The following GPHN variants were observed in gnomAD, a reference collection of about 807,000 sequenced individuals.
GPHN encodes gephyrin.
A neutral mutation model predicts 95.5 loss-of-function variants in GPHN; 17 were observed. The observed-to-expected ratio is 0.18, with a 90% CI of 0.12 to 0.27. GPHN has a LOEUF of 0.27. Among genes scored for constraint, GPHN ranks in the 10% least tolerant of loss-of-function variants. The pLI is 1.00. For synonymous variants in GPHN, 320 were observed against 322.5 expected (o/e 0.99, Z 0.08); for missense variants, 660 against 978.1 (o/e 0.67, Z 4.34).
intron 2 of GPHN, among the ~76,000 whole-genome samples, chr14:66,692,993 G>GTTT (rs2067877296): frequency 6.6e-6 from 1 of 151,680 alleles, no homozygotes; most frequent in Admixed American, 6.6e-5. Flanking sequence ...AACATCTATT[G>GTTT]ATATTTACTA....
intron 18 of GPHN, among the ~76,000 whole-genome samples, chr14:67,147,341 G>A (rs2080957962): frequency 6.6e-6 from 1 of 152,162 alleles, no homozygotes; most frequent in African/African-American, 2.4e-5. Context: ...ACTATAGCTT[G>A]TAGCAAAGCC....
chr14:67,204,604 C>G, the GPHN span: 3 of 1,613,670 alleles, frequency 1.9e-6, no homozygotes, highest in South Asian at 2.2e-5. Flanking sequence ...GAAAGTAAAG[C>G]TGGTGAGTGG....
In GPHN at chr14:67,143,369, G is replaced by A. The variant is rs2080611217; in HGVS notation, c.1756G>A (p.Asp586Asn). 2 of 1,604,156 alleles carry A rather than the reference G, an allele frequency of 1.2e-6. No individual in the cohort carries two copies. Among genetic ancestry groups the A allele is most frequent in the African/African-American group, 1.3e-5 (1 of 74,696 alleles). Residue 586 changes from aspartate to asparagine, a missense_variant, in exon 18 of 23, where the codon GAC becomes AAC. This residue lies in a region of GPHN where 257 missense variants were observed against 376.2 expected (regional missense o/e 0.68). Coordinates refer to ENST00000478722, the MANE Select transcript of GPHN (RefSeq NM_020806.5). ...GTCTTTATTTTTTTCCAGCCCAGAT[G>A]ACTTACTCAATGCCTTGAATGAGGG... Reference protein sequence around the residue: ...NLGIVGDNPDDLLNALNEGIS... With the variant: ...NLGIVGDNPDNLLNALNEGIS...
chr14:67,431,730 G>A, the GPHN span, among the ~76,000 whole-genome samples: 1 of 151,902 alleles, frequency 6.6e-6, no homozygotes, highest in African/African-American at 2.4e-5. Context: ...CAAAACAGCG[G>A]CAAAAAAGGT....
chr14:67,538,592 G>C, the GPHN span, among the ~76,000 whole-genome samples: 1 of 152,134 alleles, frequency 6.6e-6, no homozygotes, highest in African/African-American at 2.4e-5. Flanking sequence ...TTTTATAGCT[G>C]TTGCTCTGAC....
chr14:67,242,202 CCTT>C, the GPHN span, among the ~76,000 whole-genome samples: 2 of 152,178 alleles, frequency 1.3e-5, no homozygotes, highest in African/African-American at 2.4e-5. Flanking sequence ...TCATAACTCA[CCTT>C]CTGTTGATTG....
At chr14:66,994,106 C>T (rs191222960) in intron 9 of GPHN, among the ~76,000 whole-genome samples, 1,825 of 152,256 alleles carry the variant, frequency 0.012, 18 homozygotes, top group Non-Finnish European at 0.018. Flanking sequence ...TGGCTCACGC[C>T]TGTAATTCCA....
At chr14:66,593,019 A>G (rs1351715744) in intron 1 of GPHN, among the ~76,000 whole-genome samples, 2 of 152,214 alleles carry the variant, frequency 1.3e-5, no homozygotes. Flanking sequence ...GAAGCTGGAA[A>G]CTATCATTCT....
At chr14:67,565,798 G>A in the GPHN span, among the ~76,000 whole-genome samples, 2 of 152,226 alleles carry the variant, frequency 1.3e-5, no homozygotes, top group South Asian at 4.1e-4. Context: ...TGTATTTCCA[G>A]CAGTAACTCC....
intron 5 of GPHN, among the ~76,000 whole-genome samples, chr14:66,913,360 A>G (rs1383311088): frequency 6.6e-6 from 1 of 151,832 alleles, no homozygotes; most frequent in Non-Finnish European, 1.5e-5. Flanking sequence ...TGTTTTTTTG[A>G]GACGAAGTCT....
downstream of GPHN, among the ~76,000 whole-genome samples, chr14:67,183,360 T>C (rs1402671811): frequency 2.0e-5 from 3 of 152,184 alleles, no homozygotes; most frequent in African/African-American, 7.2e-5. Context: ...TAGAACTTAC[T>C]GTAGGCCAGG....
intron 1 of GPHN, among the ~76,000 whole-genome samples, chr14:66,600,617 C>T (rs1198458682): frequency 1.3e-5 from 2 of 152,020 alleles, no homozygotes; most frequent in African/African-American, 2.4e-5. Context: ...CAGTATGACT[C>T]ATGCCTGAAG....
chr14:66,833,503 G>A (rs963617656), intron 4 of GPHN, among the ~76,000 whole-genome samples: 8 of 152,070 alleles, frequency 5.3e-5, no homozygotes, highest in Non-Finnish European at 1.0e-4. Flanking sequence ...CCTTGGAAAC[G>A]AGAATTCATG....
intron 1 of GPHN, among the ~76,000 whole-genome samples, chr14:66,576,084 T>G (rs567436748): frequency 1.3e-5 from 2 of 152,144 alleles, no homozygotes; most frequent in South Asian, 4.2e-4. Context: ...CCCTGCCTGG[T>G]GCTAGGGTTA....
At chr14:67,422,382 T>C in the GPHN span, among the ~76,000 whole-genome samples, 6 of 152,316 alleles carry the variant, frequency 3.9e-5, no homozygotes, top group Admixed American at 2.0e-4. Flanking sequence ...TGGTATGCCA[T>C]GTCTTACACA....
intron 10 of GPHN, among the ~76,000 whole-genome samples, chr14:67,032,612 G>A (rs2153631406): frequency 6.6e-6 from 1 of 152,246 alleles, no homozygotes; most frequent in South Asian, 2.1e-4. Context: ...CAGTGCTGCA[G>A]ACAGACACCA....
At chr14:67,176,844 A>G (rs555201362) in intron 21 of GPHN, among the ~76,000 whole-genome samples, 17 of 152,058 alleles carry the variant, frequency 1.1e-4, no homozygotes, top group African/African-American at 4.1e-4. Flanking sequence ...TTTCTTCTAC[A>G]TTTTCTAGTT....
intron 1 of GPHN, among the ~76,000 whole-genome samples, chr14:66,519,581 T>C (rs2058390482): frequency 6.6e-6 from 1 of 152,284 alleles, no homozygotes; most frequent in South Asian, 2.1e-4. Context: ...TTAGAGTTAC[T>C]GTCTGCATAA....
the GPHN span, among the ~76,000 whole-genome samples, chr14:67,253,500 G>C: frequency 6.6e-6 from 1 of 152,138 alleles, no homozygotes; most frequent in South Asian, 2.1e-4. Flanking sequence ...TTACTCTGGG[G>C]TGTTTTTCAG....
Sources: gnomAD v4.1 joint callset for allele counts (sites outside exome capture counted in the v4.1 genomes callset) on GRCh38, gnomAD v4.1.1 for gene constraint, gnomAD v4.1.1 regional missense constraint, MANE v1.5 for transcripts, NCBI Gene and HGNC (gene_info 2026-07-23, HGNC 2026-07-21) for gene names.